Variants in DPYD observed in about 807,000 individuals in gnomAD.
The protein encoded by DPYD is dihydropyrimidine dehydrogenase, also known as dihydropyrimidine dehydrogenase [NADP(+)].
In DPYD, 109 loss-of-function variants were observed where a neutral mutation model predicts 116.2. The observed-to-expected ratio is 0.94, with a 90% CI of 0.80 to 1.10. DPYD has a LOEUF of 1.10. Ranked by LOEUF, DPYD falls within the 50% of genes least tolerant of loss-of-function variation. The pLI is 0.00. For missense variants in DPYD, 1,302 were observed against 1,254.5 expected (o/e 1.04, Z -0.57); for synonymous variants, 440 against 432.0 (o/e 1.02, Z -0.23).
chr1:97,868,586 A>C (rs1445992651), intron 2 of DPYD, among the ~76,000 whole-genome samples: 1 of 151,732 alleles, frequency 6.6e-6, no homozygotes, highest in Non-Finnish European at 1.5e-5. Flanking sequence ...AGTTCATTTA[A>C]CTCTCAAAAT....
intron 18 of DPYD, among the ~76,000 whole-genome samples, chr1:97,289,876 T>C: frequency 6.6e-6 from 1 of 151,254 alleles, no homozygotes; most frequent in Non-Finnish European, 1.5e-5. Flanking sequence ...GGTATTCAAT[T>C]AGGAAAAGAG....
chr1:97,601,571 G>A (rs1473047295), intron 8 of DPYD, among the ~76,000 whole-genome samples: 1 of 151,936 alleles, frequency 6.6e-6, no homozygotes, highest in Non-Finnish European at 1.5e-5. Context: ...CCTTTCAAGT[G>A]TCTAACTAAG....
chr1:97,606,023 T>G (rs1225434895), intron 8 of DPYD, among the ~76,000 whole-genome samples: 1 of 152,074 alleles, frequency 6.6e-6, no homozygotes, highest in Non-Finnish European at 1.5e-5. Context: ...CTTGGCAGTT[T>G]CATTGTATAA....
chr1:97,848,307 C>A, intron 2 of DPYD, among the ~76,000 whole-genome samples: 1 of 152,166 alleles, frequency 6.6e-6, no homozygotes, highest in South Asian at 2.1e-4. Flanking sequence ...CCGTGTTAGC[C>A]AGGATGGTCT....
At chr1:97,344,571 A>G (rs1319231801) in intron 16 of DPYD, among the ~76,000 whole-genome samples, 1 of 150,614 alleles carries the variant, frequency 6.6e-6, no homozygotes, top group Non-Finnish European at 1.5e-5. Context: ...TTCTCTTTAC[A>G]TTATATATAA....
chr1:97,092,157 T>G (rs541301724), intron 21 of DPYD, among the ~76,000 whole-genome samples: 1 of 152,322 alleles, frequency 6.6e-6, no homozygotes, highest in Non-Finnish European at 1.5e-5. Context: ...TCTGACATAT[T>G]ATGTATTCAT....
intron 8 of DPYD, among the ~76,000 whole-genome samples, chr1:97,652,485 T>C (rs556546060): frequency 1.8e-4 from 28 of 152,334 alleles, no homozygotes; most frequent in Non-Finnish European, 2.8e-4. Flanking sequence ...ACTTTACACA[T>C]GGATATGGCC....
intron 2 of DPYD, among the ~76,000 whole-genome samples, chr1:97,830,881 A>T (rs1669510160): frequency 6.6e-6 from 1 of 152,152 alleles, no homozygotes; most frequent in South Asian, 2.1e-4. Flanking sequence ...AATGAGTAGA[A>T]GCGGCAACCT....
chr1:97,745,825 C>A (rs1467606333), intron 3 of DPYD, among the ~76,000 whole-genome samples: 2 of 151,928 alleles, frequency 1.3e-5, no homozygotes, highest in Non-Finnish European at 2.9e-5. Context: ...CAGGACTATC[C>A]CATCTACGTA....
intron 3 of DPYD, among the ~76,000 whole-genome samples, chr1:97,754,411 T>C (rs922483129): frequency 2.0e-5 from 3 of 152,002 alleles, no homozygotes; most frequent in Non-Finnish European, 4.4e-5. Flanking sequence ...TTTGTAAAAA[T>C]GGAAAATTCC....
At chr1:97,778,287 G>A (rs1666540365) in intron 3 of DPYD, among the ~76,000 whole-genome samples, 1 of 149,800 alleles carries the variant, frequency 6.7e-6, no homozygotes, top group Non-Finnish European at 1.5e-5. Flanking sequence ...ATAATAATTA[G>A]AAAACATCTC....
chr1:97,548,336 T>C (rs2811163), intron 12 of DPYD, among the ~76,000 whole-genome samples: 3,828 of 152,236 alleles, frequency 0.025, 161 homozygotes, highest in African/African-American at 0.087. Context: ...GTAGTTACAC[T>C]TTTCTTCCTC....
intron 20 of DPYD, among the ~76,000 whole-genome samples, chr1:97,138,651 G>A (rs537885248): frequency 7.5e-4 from 114 of 152,234 alleles, no homozygotes; most frequent in African/African-American, 2.6e-3. Flanking sequence ...TAAAGGTTGG[G>A]TTCTAGGGTG....
chr1:97,678,338 G>A (rs1429875247), intron 8 of DPYD, among the ~76,000 whole-genome samples: 3 of 152,238 alleles, frequency 2.0e-5, no homozygotes, highest in South Asian at 4.1e-4. Context: ...TGTGTGACCA[G>A]GTTCCTAACA....
At chr1:97,594,962 G>A in intron 9 of DPYD, 97 bp downstream of exon 9, 1 of 947,346 alleles carries the variant, frequency 1.1e-6, no homozygotes, top group Non-Finnish European at 1.6e-6. Context: ...TTGGGTGTGA[G>A]AGCTGAACAA....
chr1:97,473,153 A>G (rs2101857699), intron 13 of DPYD, among the ~76,000 whole-genome samples: 1 of 152,294 alleles, frequency 6.6e-6, no homozygotes, highest in East Asian at 1.9e-4. Context: ...CCTGGCAACT[A>G]CCATCTTACT....
chr1:97,434,871 A>G (rs975975856), intron 14 of DPYD, among the ~76,000 whole-genome samples: 24 of 152,008 alleles, frequency 1.6e-4, no homozygotes, highest in Admixed American at 3.9e-4. Context: ...TATCCATAGG[A>G]AAGTCCTTAC....
intron 2 of DPYD, among the ~76,000 whole-genome samples, chr1:97,876,918 T>A (rs1276393098): frequency 6.6e-6 from 1 of 151,942 alleles, no homozygotes; most frequent in African/African-American, 2.4e-5. Flanking sequence ...ATATAAATAT[T>A]TAATGGACAG....
At position 97,678,724 on chromosome 1, in the gene DPYD, C is replaced by G. The variant is rs189076333; in HGVS notation, c.850+371G>C. Among the ~76,000 whole-genome samples the G allele has an allele frequency of 1.7e-3, 255 of 152,246 alleles. 2 individuals are homozygous for G. The highest frequency in any genetic ancestry group is 5.8e-3 in the African/African-American group (239 of 41,536). ...GAATAGCAAAGGGAACGAGCCAACT[C>G]CATCCTTTATGATCACTTTAATCAA... is the stretch of plus-strand genomic sequence containing the variant. On this transcript the variant is annotated intron_variant, in intron 8 of 22. Transcript: ENST00000370192.
Sources: allele counts gnomAD v4.1 joint callset (sites outside exome capture counted in the v4.1 genomes callset), GRCh38; gene constraint gnomAD v4.1.1; transcripts MANE v1.5; gene names NCBI Gene and HGNC (gene_info 2026-07-23, HGNC 2026-07-21).